MATCAP2: variants seen among roughly 807,000 people sequenced by gnomAD.
The protein encoded by MATCAP2 is microtubule associated tyrosine carboxypeptidase 2.
the MATCAP2 span, chr7:36,367,418 C>T: frequency 1.4e-6 from 1 of 693,238 alleles, no homozygotes; most frequent in Non-Finnish European, 1.6e-6. Context: ...GCTGGGGTCT[C>T]CAGCCAGTGG....
At chr7:36,337,473 A>C in the MATCAP2 span, among the ~76,000 whole-genome samples, 1 of 152,320 alleles carries the variant, frequency 6.6e-6, no homozygotes, top group East Asian at 1.9e-4. Flanking sequence ...ACTCTATCTT[A>C]CATGAATTGT....
the MATCAP2 span, among the ~76,000 whole-genome samples, chr7:36,357,818 AT>A: frequency 2.0e-5 from 3 of 152,218 alleles, no homozygotes; most frequent in African/African-American, 7.2e-5. Flanking sequence ...TATCTAAAAA[AT>A]CCTCAGCTTC....
the MATCAP2 span, among the ~76,000 whole-genome samples, chr7:36,381,023 G>A: frequency 6.6e-6 from 1 of 152,144 alleles, no homozygotes; most frequent in African/African-American, 2.4e-5. Flanking sequence ...TGAGGCATGT[G>A]GCCTCTTAGA....
At chr7:36,382,816 G>A in the MATCAP2 span, among the ~76,000 whole-genome samples, 1 of 152,130 alleles carries the variant, frequency 6.6e-6, no homozygotes, top group Non-Finnish European at 1.5e-5. Flanking sequence ...AGAAATCTAG[G>A]TATGGAAAAG....
chr7:36,379,944 T>C, the MATCAP2 span, among the ~76,000 whole-genome samples: 1 of 152,084 alleles, frequency 6.6e-6, no homozygotes, highest in African/African-American at 2.4e-5. Context: ...TCCAGGAATC[T>C]TTGTTCCACT....
the MATCAP2 span, chr7:36,366,716 A>G: frequency 6.5e-7 from 1 of 1,535,370 alleles, no homozygotes; most frequent in Non-Finnish European, 8.7e-7. Flanking sequence ...ATAATAAGTG[A>G]CGAAAGGATA....
chr7:36,348,575 T>C, the MATCAP2 span, among the ~76,000 whole-genome samples: 2 of 152,238 alleles, frequency 1.3e-5, no homozygotes, highest in Admixed American at 1.3e-4. Flanking sequence ...AAAAGGACCA[T>C]TCATTTATCT....
chr7:36,325,287 G>C, the MATCAP2 span: 2 of 152,256 alleles, frequency 1.3e-5, no homozygotes, highest in Non-Finnish European at 2.9e-5. Context: ...ATGCTCCAAA[G>C]TGTCTGGCCC....
At chr7:36,364,088 C>T in the MATCAP2 span, among the ~76,000 whole-genome samples, 6 of 135,486 alleles carry the variant, frequency 4.4e-5, no homozygotes, top group African/African-American at 1.1e-4. Context: ...GAATCTTCTT[C>T]TTCTTTTTTT....
the MATCAP2 span, among the ~76,000 whole-genome samples, chr7:36,339,836 T>C: frequency 6.6e-6 from 1 of 152,232 alleles, no homozygotes; most frequent in Non-Finnish European, 1.5e-5. Flanking sequence ...TTTCTGCTTA[T>C]AGATATTTTT....
At chr7:36,356,753 T>C in the MATCAP2 span, 1 of 701,592 alleles carries the variant, frequency 1.4e-6, no homozygotes, top group Admixed American at 2.3e-5. Context: ...ATACTCGTCT[T>C]GTCGCACATT....
the MATCAP2 span, among the ~76,000 whole-genome samples, chr7:36,346,873 GC>G: frequency 6.6e-6 from 1 of 152,170 alleles, no homozygotes; most frequent in South Asian, 2.1e-4. Context: ...CGATTCTCCT[GC>G]CTCAGCCTCC....
chr7:36,366,776 G>C, the MATCAP2 span: 1 of 1,534,762 alleles, frequency 6.5e-7, no homozygotes, highest in East Asian at 2.5e-5. Flanking sequence ...AGCGCCTCCT[G>C]CGCGCCCCGA....
the MATCAP2 span, among the ~76,000 whole-genome samples, chr7:36,360,428 CT>C: frequency 2.6e-5 from 4 of 152,164 alleles, no homozygotes; most frequent in Non-Finnish European, 5.9e-5. Flanking sequence ...TTTCAGTTCA[CT>C]TGCTAATTAT....
chr7:36,364,480 A>G, the MATCAP2 span, among the ~76,000 whole-genome samples: 1 of 152,222 alleles, frequency 6.6e-6, no homozygotes, highest in East Asian at 1.9e-4. Context: ...GCATATACTA[A>G]TAAGTCAAAA....
At chr7:36,382,423 T>C in the MATCAP2 span, among the ~76,000 whole-genome samples, 1 of 152,154 alleles carries the variant, frequency 6.6e-6, no homozygotes, top group Admixed American at 6.5e-5. Context: ...CACTGGCTTC[T>C]GTTACTTCTG....
the MATCAP2 span, among the ~76,000 whole-genome samples, chr7:36,369,638 C>G: frequency 6.6e-6 from 1 of 152,138 alleles, no homozygotes; most frequent in African/African-American, 2.4e-5. Flanking sequence ...TATTATCTTC[C>G]TCATTCCACA....
At chr7:36,378,341 T>C in the MATCAP2 span, among the ~76,000 whole-genome samples, 1 of 152,254 alleles carries the variant, frequency 6.6e-6, no homozygotes, top group South Asian at 2.1e-4. Flanking sequence ...GCCCCTCAGC[T>C]GCAGGTCTGT....
the MATCAP2 span, among the ~76,000 whole-genome samples, chr7:36,341,210 A>G: frequency 6.6e-6 from 1 of 152,164 alleles, no homozygotes; most frequent in Non-Finnish European, 1.5e-5. Flanking sequence ...CACATGGGTA[A>G]CACTTTTAGA....
Sources: gnomAD v4.1 joint callset for allele counts (sites outside exome capture counted in the v4.1 genomes callset) on GRCh38, gnomAD v4.1.1 for gene constraint, MANE v1.5 for transcripts, NCBI Gene and HGNC (gene_info 2026-07-23, HGNC 2026-07-21) for gene names.